DPP10: variants seen among roughly 807,000 people sequenced by gnomAD.
DPP10 encodes inactive dipeptidyl peptidase 10.
Under a neutral mutation model 120.9 loss-of-function variants are expected in DPP10, and 33 were observed. The observed-to-expected ratio is 0.27, with a 90% CI of 0.21 to 0.37. The LOEUF is 0.37. Ranked by LOEUF, DPP10 falls within the 10% of genes least tolerant of loss-of-function variation. The probability of loss-of-function intolerance (pLI) is 1.00; values close to 1 mark genes in which losing one functional copy is unlikely to be tolerated. For synonymous variants in DPP10, 337 were observed against 326.1 expected, an observed-to-expected ratio of 1.03 and a Z score of -0.36; for missense variants, 816 against 942.8, an observed-to-expected ratio of 0.87 and a Z score of 1.76.
intron 5 of DPP10, among the ~76,000 whole-genome samples, chr2:115,560,433 T>A (rs1465970024): frequency 1.2e-5 from 1 of 80,562 alleles, no homozygotes; most frequent in African/African-American, 5.1e-5. Context: ...TATATATATA[T>A]ATATATATAT....
chr2:114,961,114 T>C (rs1183181184), intron 1 of DPP10, among the ~76,000 whole-genome samples: 1 of 131,624 alleles, frequency 7.6e-6, no homozygotes, highest in Non-Finnish European at 1.6e-5. Context: ...TGCAATGGCG[T>C]GATCTCAGCT....
chr2:115,037,772 T>G (rs1003873810), intron 1 of DPP10, among the ~76,000 whole-genome samples: 2 of 152,244 alleles, frequency 1.3e-5, no homozygotes, highest in Non-Finnish European at 2.9e-5. Flanking sequence ...GACAACGGTA[T>G]CTACATTTCT....
At chr2:115,293,968 A>G (rs2060772402) in intron 1 of DPP10, among the ~76,000 whole-genome samples, 1 of 152,144 alleles carries the variant, frequency 6.6e-6, no homozygotes, top group African/African-American at 2.4e-5. Flanking sequence ...TCTAACATGA[A>G]AAACAAGACA....
intron 1 of DPP10, among the ~76,000 whole-genome samples, chr2:115,107,101 CA>C (rs1305290124): frequency 3.3e-5 from 5 of 151,316 alleles, no homozygotes; most frequent in African/African-American, 9.7e-5. Context: ...GTTCTTAAAC[CA>C]ACAATTTTCT....
chr2:115,259,199 C>T (rs552521450), intron 1 of DPP10, among the ~76,000 whole-genome samples: 59 of 152,098 alleles, frequency 3.9e-4, no homozygotes, highest in African/African-American at 1.2e-3. Context: ...AGCAAAAGGC[C>T]GGGTGGGTGG....
At chr2:114,876,171 T>C (rs1691139265) in intron 1 of DPP10, among the ~76,000 whole-genome samples, 2 of 152,144 alleles carry the variant, frequency 1.3e-5, no homozygotes, top group African/African-American at 4.8e-5. Context: ...TACACTCATA[T>C]TTCTCAGTCT....
chr2:114,946,213 A>G (rs1697335073), intron 1 of DPP10, among the ~76,000 whole-genome samples: 1 of 152,224 alleles, frequency 6.6e-6, no homozygotes, highest in South Asian at 2.1e-4. Flanking sequence ...GATATTATTA[A>G]TTGTAGCAAA....
At chr2:115,471,553 G>T (rs113635440) in intron 3 of DPP10, among the ~76,000 whole-genome samples, 3 of 150,734 alleles carry the variant, frequency 2.0e-5, no homozygotes, top group African/African-American at 7.3e-5. Flanking sequence ...TTTGTGAAAT[G>T]GACCAGGATT....
At chr2:115,376,245 G>T (rs1286473161) in intron 3 of DPP10, among the ~76,000 whole-genome samples, 1 of 152,006 alleles carries the variant, frequency 6.6e-6, no homozygotes, top group African/African-American at 2.4e-5. Context: ...GATCTAATGG[G>T]AATGGTAATA....
intron 1 of DPP10, among the ~76,000 whole-genome samples, chr2:115,222,592 C>T (rs2057231441): frequency 6.6e-6 from 1 of 152,074 alleles, no homozygotes; most frequent in South Asian, 2.1e-4. Context: ...GTCCAACAAA[C>T]CTCTTTCTTT....
rs760755741 is a variant in DPP10 at position 115,746,116 on chromosome 2, T to C, written c.883T>C (p.Tyr295His). 130 of 1,609,278 alleles carry C rather than the reference T, an allele frequency of 8.1e-5. No homozygotes were observed. Among genetic ancestry groups the C allele is most frequent in the Non-Finnish European group, 1.0e-4 (121 of 1,178,768 alleles). The change falls in exon 10 of 26, where the codon TAT becomes CAT. Residue 295 changes from tyrosine (Y) to histidine (H), a missense_variant. Around this residue, in one of 3 missense-constraint regions of DPP10, gnomAD observed 592 missense variants for 649.0 expected, o/e 0.91. Coordinates refer to ENST00000410059, the MANE Select transcript of DPP10 (RefSeq NM_020868.6). ...TCAAGTGAACCCAACAATAAAATTA[T>C]ATGTTGTAAACCTGTATGGACCAAC... ...AGQVNPTIKL[Y>H]VVNLYGPTHT...
At chr2:115,439,224 T>C (rs112871729) in intron 3 of DPP10, among the ~76,000 whole-genome samples, 1 of 139,584 alleles carries the variant, frequency 7.2e-6, no homozygotes, top group Admixed American at 7.0e-5. Flanking sequence ...TGTGGAATAG[T>C]GGCTAAGATG....
At chr2:114,808,304 A>G (rs1300953249) in intron 1 of DPP10, among the ~76,000 whole-genome samples, 2 of 152,130 alleles carry the variant, frequency 1.3e-5, no homozygotes, top group Non-Finnish European at 2.9e-5. Flanking sequence ...TTCCATTTTG[A>G]ACTATTATGA....
intron 1 of DPP10, among the ~76,000 whole-genome samples, chr2:115,217,604 T>C (rs1482799748): frequency 6.6e-6 from 1 of 152,174 alleles, no homozygotes; most frequent in Non-Finnish European, 1.5e-5. Context: ...ATGCCACCAG[T>C]GGGACTTGCC....
rs70941057 is a variant in DPP10 at position 115,415,841 on chromosome 2, TTATATATATATATATA to T, written c.271+71949_271+71964del. ...ATCTGTCTTTATACCTGATTTGCTT[TTATATATATATATATA>T]TATATATATATATATATATGCACAC... is the stretch of plus-strand genomic sequence containing the variant. On this transcript the variant is annotated intron_variant, in intron 3 of 25. Coordinates refer to ENST00000410059, the MANE Select transcript of DPP10 (RefSeq NM_020868.6). Among the ~76,000 whole-genome samples the T allele has an allele frequency of 1.6e-4, 12 of 74,296 alleles. 1 individual carries two copies. Among genetic ancestry groups the T allele is most frequent in the Admixed American group, 3.1e-4 (2 of 6,476 alleles). The allele number at this position is 74,296 out of a possible 152,430, so 48.7% of individuals were successfully genotyped here.
chr2:114,842,851 G>A (rs1688264357), intron 1 of DPP10, among the ~76,000 whole-genome samples: 1 of 149,556 alleles, frequency 6.7e-6, no homozygotes, highest in Non-Finnish European at 1.5e-5. Flanking sequence ...CCTCACCGGA[G>A]ACAAAAAAGA....
chr2:114,450,280 C>T (rs1368886774), intron 1 of DPP10, among the ~76,000 whole-genome samples: 2 of 152,130 alleles, frequency 1.3e-5, no homozygotes, highest in Non-Finnish European at 2.9e-5. Context: ...AATTTTCTCA[C>T]AATCTCCTAG....
At chr2:115,525,998 T>C in intron 5 of DPP10, 26 bp downstream of exon 5, 1 of 1,576,856 alleles carries the variant, frequency 6.3e-7, no homozygotes, top group East Asian at 2.3e-5. Context: ...TCTTTGAGAA[T>C]ACTTTTCTTT....
chr2:115,800,867 G>T (rs538572244), intron 19 of DPP10, among the ~76,000 whole-genome samples: 2 of 151,876 alleles, frequency 1.3e-5, no homozygotes, highest in Non-Finnish European at 2.9e-5. Flanking sequence ...GTCAGGTAGC[G>T]TGATGCCTCC....
Sources: gnomAD v4.1 joint callset for allele counts (sites outside exome capture counted in the v4.1 genomes callset) on GRCh38, gnomAD v4.1.1 for gene constraint, gnomAD v4.1.1 regional missense constraint, MANE v1.5 for transcripts, NCBI Gene and HGNC (gene_info 2026-07-23, HGNC 2026-07-21) for gene names.